Variants in RGS5 observed in about 807,000 individuals in gnomAD.
RGS5 encodes the protein regulator of G protein signaling 5.
Under a neutral mutation model 18.9 loss-of-function variants are expected in RGS5, and 20 were observed. That is an observed-to-expected ratio of 1.06 (90% CI 0.74 to 1.54). RGS5 has a LOEUF of 1.54. Among genes scored for constraint, RGS5 ranks in the 40% most tolerant of loss-of-function variants. The pLI, the probability that RGS5 is intolerant of heterozygous loss-of-function variation, is 0.00. For missense variants in RGS5, 201 were observed against 211.8 expected (o/e 0.95, Z 0.32); for synonymous variants, 57 against 76.2 (o/e 0.75, Z 1.31).
rs751940455 is a variant in RGS5 at position 163,241,845 on chromosome 1, G to GT, written c.-281+64387dup. 3.3e-5 allele frequency among the ~76,000 whole-genome samples: 5 copies of GT among 152,234 alleles called. No individual in the cohort carries two copies. The East Asian group carries it at 9.6e-4, about 29-fold the overall frequency. On this transcript the variant is annotated intron_variant, in intron 2 of 5. Coordinates refer to the RGS5 transcript ENST00000618415. ...GGAGACGAAGTGTTGGCCAGTGGCT[G>GT]TAAGTGATGGAGAGCTGTGGTTGAC...
chr1:163,161,426 G>A (rs1042898206), intron 3 of RGS5, among the ~76,000 whole-genome samples: 1 of 152,186 alleles, frequency 6.6e-6, no homozygotes, highest in Non-Finnish European at 1.5e-5. Flanking sequence ...GGTGCCAGAA[G>A]AGGAAACGGA....
In RGS5 at chr1:163,143,208, T is replaced by G. The variant is rs1395443355; in HGVS notation, c.*4134A>C. 1 of 152,212 alleles carries G rather than the reference T, an allele frequency of 6.6e-6. No individual in the cohort carries two copies. The highest frequency in any genetic ancestry group is 1.5e-5 in the Non-Finnish European group (1 of 68,024). The allele number at this position is 152,212 out of a possible 1,614,324, so 9.4% of individuals were successfully genotyped here. ...CTAAATTGTTAACTAAAGAGCCTTG[T>G]GCGAAGCAAGTGTTCGATACGTGCT... On this transcript the variant is annotated 3_prime_UTR_variant, in exon 5 of 5. Transcript: ENST00000313961.
chr1:163,253,210 G>A (rs963909940), intron 2 of RGS5, among the ~76,000 whole-genome samples: 2 of 152,066 alleles, frequency 1.3e-5, no homozygotes, highest in South Asian at 2.1e-4. Context: ...TCCTGTGTCC[G>A]AGTACTCTGA....
intron 1 of RGS5, among the ~76,000 whole-genome samples, chr1:163,174,790 G>A (rs542251994): frequency 6.6e-6 from 1 of 152,306 alleles, no homozygotes; most frequent in African/African-American, 2.4e-5. Context: ...TATTCCTGTG[G>A]TTGAAAGGCT....
At chr1:163,208,773 A>C (rs1429492693) in intron 1 of RGS5, among the ~76,000 whole-genome samples, 1 of 152,134 alleles carries the variant, frequency 6.6e-6, no homozygotes, top group Non-Finnish European at 1.5e-5. Context: ...TGGAAATATT[A>C]AATATAAATA....
chr1:163,233,570 C>T (rs1647538179), intron 2 of RGS5, among the ~76,000 whole-genome samples: 1 of 152,136 alleles, frequency 6.6e-6, no homozygotes, highest in Non-Finnish European at 1.5e-5. Flanking sequence ...TTTGTGTGAG[C>T]AATAAAGCTT....
intron 1 of RGS5, chr1:163,306,464 G>A (rs1341556447): frequency 6.6e-6 from 1 of 152,206 alleles, no homozygotes; most frequent in East Asian, 1.9e-4. Context: ...TCTGAGGCAA[G>A]CTGGTATATT....
intron 3 of RGS5, among the ~76,000 whole-genome samples, chr1:163,153,550 T>C (rs574389383): frequency 4.6e-5 from 7 of 152,038 alleles, no homozygotes; most frequent in Non-Finnish European, 1.0e-4. Context: ...TGCAATATGA[T>C]TATAGCTATT....
intron 2 of RGS5, among the ~76,000 whole-genome samples, chr1:163,266,370 T>G (rs1648573967): frequency 6.6e-6 from 1 of 152,168 alleles, no homozygotes; most frequent in African/African-American, 2.4e-5. Flanking sequence ...CTTGCAATTG[T>G]CACCTAATTT....
chr1:163,247,110 T>C (rs992445325), intron 2 of RGS5, among the ~76,000 whole-genome samples: 3 of 140,878 alleles, frequency 2.1e-5, no homozygotes, highest in Admixed American at 2.1e-4. Flanking sequence ...AGGGTGAAGA[T>C]TGAAAGCCAA....
chr1:163,308,522 T>C (rs1227973302), intron 1 of RGS5: 2 of 152,190 alleles, frequency 1.3e-5, no homozygotes, highest in African/African-American at 2.4e-5. Flanking sequence ...GCCAAATAAA[T>C]TTAGTTTTAT....
intron 1 of RGS5, among the ~76,000 whole-genome samples, chr1:163,174,598 G>C (rs186897850): frequency 6.6e-6 from 1 of 152,288 alleles, no homozygotes; most frequent in Non-Finnish European, 1.5e-5. Flanking sequence ...TTCAATTTCT[G>C]TCCTTGAAAG....
rs1487136680 is a variant in RGS5, at chr1:163,152,328, T to C, written c.384+222A>G. 20 of 420,562 alleles carry C rather than the reference T, an allele frequency of 4.8e-5. No individual in the cohort carries two copies. In the East Asian group the frequency reaches 7.0e-4, roughly 15 times the overall value. The allele number at this position is 420,562 out of a possible 1,614,324, so 26.1% of individuals were successfully genotyped here. A position where few individuals can be genotyped will look rare whatever the true frequency, so the allele number is the denominator to read the frequency against. ...TGGTATGATCTCCACTGGAGGTTAG[T>C]GGAGGTGAGACCCATAAAACTAGAA... On this transcript the variant is annotated intron_variant, in intron 4 of 4. Transcript: ENST00000313961.
In RGS5 at chr1:163,320,539, T is replaced by C. The variant is rs529792154; in HGVS notation, c.-378+1083A>G. Among the ~76,000 whole-genome samples the C allele has an allele frequency of 3.3e-5, 5 of 152,324 alleles. No individual in the cohort carries two copies. In the East Asian group the frequency reaches 9.7e-4, roughly 29 times the overall value. On this transcript the variant is annotated intron_variant, in intron 1 of 5. Coordinates refer to the RGS5 transcript ENST00000618415. The stretch of plus-strand genomic sequence containing the variant: ...CTCAGTCACTACGCTATGGTTCCCT[T>C]CCCTGCCTCTAAGGACATATAATTT...
chr1:163,168,866 T>TTTA (rs959836494), intron 1 of RGS5, among the ~76,000 whole-genome samples: 1 of 152,088 alleles, frequency 6.6e-6, no homozygotes, highest in African/African-American at 2.4e-5. Context: ...ATCACTTTTT[T>TTTA]TTATTATTAT....
At chr1:163,308,953 A>C (rs1649781227) in intron 1 of RGS5, among the ~76,000 whole-genome samples, 1 of 152,244 alleles carries the variant, frequency 6.6e-6, no homozygotes, top group Non-Finnish European at 1.5e-5. Context: ...AAAATACTTT[A>C]TTGCTAAAAA....
chr1:163,174,693 C>T (rs2102408374), intron 1 of RGS5, among the ~76,000 whole-genome samples: 1 of 152,266 alleles, frequency 6.6e-6, no homozygotes, highest in Admixed American at 6.5e-5. Flanking sequence ...AGGATAATTG[C>T]AATCACTAGC....
chr1:163,310,315 G>A (rs541198669), intron 1 of RGS5, among the ~76,000 whole-genome samples: 18 of 152,234 alleles, frequency 1.2e-4, no homozygotes, highest in African/African-American at 3.4e-4. Flanking sequence ...GGCCAGGTGC[G>A]GTGGCTCACG....
intron 1 of RGS5, among the ~76,000 whole-genome samples, chr1:163,177,508 C>T (rs186237063): frequency 3.3e-5 from 5 of 152,248 alleles, no homozygotes; most frequent in Non-Finnish European, 7.4e-5. Context: ...TTTCATAAAC[C>T]TGGCCCTACT....
Sources: gnomAD v4.1 joint callset for allele counts (sites outside exome capture counted in the v4.1 genomes callset) on GRCh38, gnomAD v4.1.1 for gene constraint, MANE v1.5 for transcripts, NCBI Gene and HGNC (gene_info 2026-07-23, HGNC 2026-07-21) for gene names.